The following THADA variants were observed in gnomAD, a reference collection of about 807,000 sequenced individuals.
The protein encoded by THADA is tRNA (32-2'-O)-methyltransferase regulator THADA.
A neutral mutation model predicts 219.8 loss-of-function variants in THADA; 213 were observed. The observed-to-expected ratio is 0.97, with a 90% confidence interval of 0.87 to 1.09. THADA has a LOEUF of 1.09. THADA is among the 50% of genes least tolerant of loss of function. THADA has a pLI of 0.00. For missense variants in THADA, 2,956 were observed against 2,311.3 expected (o/e 1.28, Z -5.72); for synonymous variants, 1,018 against 828.9 (o/e 1.23, Z -3.92).
At chr2:43,587,774 T>C (rs1701167597) in intron 4 of THADA, among the ~76,000 whole-genome samples, 1 of 152,236 alleles carries the variant, frequency 6.6e-6, no homozygotes, top group South Asian at 2.1e-4. Context: ...CCCCTTAGAA[T>C]GTAACCTCCA....
At chr2:43,511,569 C>G (rs989686040) in intron 22 of THADA, among the ~76,000 whole-genome samples, 5 of 152,162 alleles carry the variant, frequency 3.3e-5, no homozygotes, top group Admixed American at 1.3e-4. Context: ...CTACTTAAAT[C>G]TAACCTTAAC....
chr2:43,550,546 GGAA>G (rs1696630926), intron 19 of THADA, among the ~76,000 whole-genome samples: 1 of 152,186 alleles, frequency 6.6e-6, no homozygotes, highest in South Asian at 2.1e-4. Context: ...GATAACACAG[GGAA>G]GAAGCAGCAA....
intron 26 of THADA, among the ~76,000 whole-genome samples, chr2:43,446,020 A>G: frequency 6.6e-6 from 1 of 152,180 alleles, no homozygotes; most frequent in Non-Finnish European, 1.5e-5. Flanking sequence ...GCCAGGAAAC[A>G]CATTTCCACT....
At chr2:43,593,747 C>A (rs1280515911) in intron 1 of THADA, among the ~76,000 whole-genome samples, 1 of 151,626 alleles carries the variant, frequency 6.6e-6, no homozygotes, top group African/African-American at 2.4e-5. Flanking sequence ...CATTCTCCTG[C>A]CTCAGCCTCC....
intron 22 of THADA, among the ~76,000 whole-genome samples, chr2:43,511,513 A>G (rs1341989321): frequency 6.6e-6 from 1 of 152,104 alleles, no homozygotes. Flanking sequence ...AACTTTGTCA[A>G]ACTCTCCTAG....
intron 15 of THADA, chr2:43,563,635 T>TA (rs1356553852): frequency 2.6e-5 from 4 of 152,240 alleles, no homozygotes; most frequent in African/African-American, 9.6e-5. Context: ...TAATATTTGC[T>TA]GAACAAATCC....
chr2:43,406,036 G>A (rs1675489203), intron 28 of THADA, among the ~76,000 whole-genome samples: 1 of 152,210 alleles, frequency 6.6e-6, no homozygotes, highest in Non-Finnish European at 1.5e-5. Context: ...ACAGGCCACA[G>A]GCTATTAATT....
At chr2:43,403,508 C>T (rs1478465178) in intron 28 of THADA, among the ~76,000 whole-genome samples, 1 of 152,080 alleles carries the variant, frequency 6.6e-6, no homozygotes, top group Admixed American at 6.6e-5. Context: ...TAGCACTGGG[C>T]GAGTCCCTGC....
At chr2:43,247,813 T>G (rs997457428) in intron 36 of THADA, among the ~76,000 whole-genome samples, 6 of 145,786 alleles carry the variant, frequency 4.1e-5, no homozygotes, top group African/African-American at 1.5e-4. Context: ...GAAGCTGATG[T>G]GGGAGGATCA....
chr2:43,304,906 A>C (rs1053445874), intron 31 of THADA, among the ~76,000 whole-genome samples: 17 of 152,110 alleles, frequency 1.1e-4, no homozygotes, highest in Non-Finnish European at 1.5e-4. Context: ...TCCTGACCTC[A>C]GGTGATCCAC....
In THADA at chr2:43,286,778, G is replaced by C. The variant is rs1674068840; in HGVS notation, c.5164+130C>G. ...GATTAGAGCATGAACTAAGACGGTA[G>C]GAATATAACTGAAAGACATAAAGGC... is the stretch of plus-strand genomic sequence containing the variant. On this transcript the variant is annotated intron_variant, in intron 35 of 37. Coordinates refer to ENST00000405975, the MANE Select transcript of THADA (RefSeq NM_022065.5). The C allele has an allele frequency of 2.3e-5, 24 of 1,026,330 alleles. No individual in the cohort carries two copies. In the South Asian group the frequency reaches 3.8e-4, roughly 16 times the overall value. 63.6% of individuals were successfully genotyped at this position (1,026,330 alleles called of 1,614,324 possible). A position where few individuals can be genotyped will look rare whatever the true frequency, so the allele number is the denominator to read the frequency against.
chr2:43,475,603 A>C (rs954219604), intron 26 of THADA, among the ~76,000 whole-genome samples: 6 of 152,184 alleles, frequency 3.9e-5, no homozygotes, highest in Admixed American at 3.9e-4. Flanking sequence ...AACCAGGGAG[A>C]CATTTCATAT....
intron 30 of THADA, among the ~76,000 whole-genome samples, chr2:43,334,066 T>G (rs1287099402): frequency 6.6e-6 from 1 of 152,176 alleles, no homozygotes; most frequent in Non-Finnish European, 1.5e-5. Flanking sequence ...AGGGAAGAAC[T>G]GGGATTGCCA....
At position 43,360,259 on chromosome 2, in the gene THADA, G is replaced by A. The variant is rs1384659861; in HGVS notation, c.4228-16022C>T. 4.6e-5 allele frequency among the ~76,000 whole-genome samples: 7 copies of A among 152,172 alleles called. 1 individual carries two copies. The East Asian group carries it at 7.7e-4, about 17-fold the overall frequency. ...TGTATCTTTTTATGTAAACCATGTCGTTTTATCTCCTATAGAGCCTTGCTG... is the reference window on the plus strand; with the variant it reads ...TGTATCTTTTTATGTAAACCATGTCATTTTATCTCCTATAGAGCCTTGCTG... On this transcript the variant is annotated intron_variant, in intron 29 of 37. Coordinates refer to ENST00000405975, the MANE Select transcript of THADA (RefSeq NM_022065.5).
At chr2:43,313,314 T>C (rs1677718046) in intron 31 of THADA, among the ~76,000 whole-genome samples, 1 of 152,248 alleles carries the variant, frequency 6.6e-6, no homozygotes, top group African/African-American at 2.4e-5. Flanking sequence ...GACTTGGCAT[T>C]TAGACTATTT....
intron 28 of THADA, among the ~76,000 whole-genome samples, chr2:43,420,072 C>T (rs996832690): frequency 2.6e-5 from 4 of 152,322 alleles, no homozygotes; most frequent in Middle Eastern, 3.4e-3. Flanking sequence ...ATCCCCCTGA[C>T]TTTTCACTCC....
At position 43,319,641 on chromosome 2, in the gene THADA, A is replaced by C. The variant is rs551914407; in HGVS notation, c.4438+805T>G. ...AAGACAACAAATCATTGACAGACTA[A>C]ATGTAACAGAGGAAAGGCCTGGTCT... is the stretch of plus-strand genomic sequence containing the variant. On this transcript the variant is annotated intron_variant, in intron 31 of 37. Transcript: ENST00000405975. 2.0e-5 allele frequency among the ~76,000 whole-genome samples: 3 copies of C among 152,312 alleles called. No homozygotes were observed. In the South Asian group the frequency reaches 6.2e-4, roughly 32 times the overall value.
At chr2:43,314,313 C>T (rs1275621883) in intron 31 of THADA, among the ~76,000 whole-genome samples, 1 of 151,988 alleles carries the variant, frequency 6.6e-6, no homozygotes, top group African/African-American at 2.4e-5. Context: ...TATAAAAGAA[C>T]CAAGTTGCAT....
chr2:43,328,879 C>T (rs1679639503), intron 30 of THADA, among the ~76,000 whole-genome samples: 1 of 152,178 alleles, frequency 6.6e-6, no homozygotes, highest in South Asian at 2.1e-4. Flanking sequence ...GCCTTTCCCT[C>T]CTAATATTAA....
Sources: allele counts gnomAD v4.1 joint callset (sites outside exome capture counted in the v4.1 genomes callset), GRCh38; gene constraint gnomAD v4.1.1; transcripts MANE v1.5; gene names NCBI Gene and HGNC (gene_info 2026-07-23, HGNC 2026-07-21).